CNIH3: variants seen among roughly 807,000 people sequenced by gnomAD.
CNIH3 encodes cornichon family AMPA receptor auxiliary protein 3.
CNIH3 carries 14 observed loss-of-function variants against 24.1 expected under a neutral mutation model. The ratio of observed to expected loss-of-function variants is 0.58; its 90% confidence interval spans 0.38 to 0.91. CNIH3 has a LOEUF of 0.91. Among genes scored for constraint, CNIH3 ranks in the 40% least tolerant of loss-of-function variants. The pLI, the probability that CNIH3 is intolerant of heterozygous loss-of-function variation, is 0.00. For missense variants in CNIH3, 178 were observed against 196.8 expected, an observed-to-expected ratio of 0.90 and a Z score of 0.57; for synonymous variants, 68 against 73.8, an observed-to-expected ratio of 0.92 and a Z score of 0.40.
chr1:224,713,594 C>T (rs887321452), intron 3 of CNIH3, among the ~76,000 whole-genome samples: 2 of 152,146 alleles, frequency 1.3e-5, no homozygotes, highest in African/African-American at 4.8e-5. Context: ...GCAAGGAATA[C>T]ATATGATAAT....
At chr1:224,693,193 G>T (rs1188880728) in intron 3 of CNIH3, among the ~76,000 whole-genome samples, 1 of 152,152 alleles carries the variant, frequency 6.6e-6, no homozygotes, top group Admixed American at 6.5e-5. Context: ...GTAAACTGTG[G>T]TGCTGTCATG....
At chr1:224,728,413 A>G (rs1689150310) in intron 3 of CNIH3, among the ~76,000 whole-genome samples, 1 of 152,084 alleles carries the variant, frequency 6.6e-6, no homozygotes, top group African/African-American at 2.4e-5. Flanking sequence ...CAGGTGGTTG[A>G]GATTCACAGG....
intron 5 of CNIH3, among the ~76,000 whole-genome samples, chr1:224,736,757 G>C (rs79600134): frequency 6.6e-6 from 1 of 152,122 alleles, no homozygotes; most frequent in African/African-American, 2.4e-5. Context: ...AGATTTCTAC[G>C]GTGCCCAGTG....
chr1:224,500,918 C>G (rs148591777), intron 1 of CNIH3, among the ~76,000 whole-genome samples: 1 of 152,246 alleles, frequency 6.6e-6, no homozygotes, highest in East Asian at 1.9e-4. Flanking sequence ...CCCGAGGAAG[C>G]AGCCGGCATC....
chr1:224,547,867 G>C (rs138835263), intron 3 of CNIH3, among the ~76,000 whole-genome samples: 237 of 151,210 alleles, frequency 1.6e-3, no homozygotes, highest in African/African-American at 5.1e-3. Flanking sequence ...ATCAAAGTGG[G>C]AGTATACCCT....
intron 1 of CNIH3, among the ~76,000 whole-genome samples, chr1:224,509,465 C>T (rs2124889545): frequency 6.6e-6 from 1 of 152,322 alleles, no homozygotes; most frequent in Admixed American, 6.5e-5. Flanking sequence ...CCAGCTCACA[C>T]ATAATCTACC....
intron 4 of CNIH3, among the ~76,000 whole-genome samples, chr1:224,731,818 G>T (rs1310470654): frequency 6.6e-6 from 1 of 152,254 alleles, no homozygotes; most frequent in Non-Finnish European, 1.5e-5. Flanking sequence ...CCCAGCATGT[G>T]CAAAGGCCCA....
downstream of CNIH3, among the ~76,000 whole-genome samples, chr1:224,589,986 C>T (rs952129371): frequency 2.0e-5 from 3 of 152,210 alleles, no homozygotes; most frequent in South Asian, 6.2e-4. Flanking sequence ...AAGTAATTCT[C>T]CTGCCTCAGC....
rs186725518 is a variant in CNIH3 at position 224,509,215 on chromosome 1, C to T, written n.204-6526C>T. ...GTACACATCTGTAATCCCAGCTACT[C>T]GGGAGGCTGAGACGCAAGAATTGCT... On this transcript the variant is annotated intron_variant and non_coding_transcript_variant, in intron 1 of 5. Transcript: ENST00000471578. 2.6e-3 allele frequency among the ~76,000 whole-genome samples: 390 copies of T among 152,168 alleles called. 1 individual carries two copies. Among genetic ancestry groups the T allele is most frequent in the Non-Finnish European group, 4.2e-3 (285 of 67,996 alleles).
At chr1:224,724,982 A>G (rs1688939669) in intron 3 of CNIH3, among the ~76,000 whole-genome samples, 1 of 152,172 alleles carries the variant, frequency 6.6e-6, no homozygotes, top group African/African-American at 2.4e-5. Context: ...AGGCCAAAGC[A>G]GGTGGATCAC....
chr1:224,455,138 A>G (rs1250460584), intron 1 of CNIH3, among the ~76,000 whole-genome samples: 1 of 152,232 alleles, frequency 6.6e-6, no homozygotes. Context: ...CACAAAGCCT[A>G]TTATATAATA....
At chr1:224,563,471 G>A (rs1372063731) in intron 3 of CNIH3, among the ~76,000 whole-genome samples, 1 of 118,750 alleles carries the variant, frequency 8.4e-6, no homozygotes, top group Non-Finnish European at 1.9e-5. Flanking sequence ...GTGTGTGTGT[G>A]TGTGTGTGTG....
At chr1:224,546,789 TA>T in intron 2 of CNIH3, 1 of 550,746 alleles carries the variant, frequency 1.8e-6, no homozygotes, top group Non-Finnish European at 2.3e-6. Flanking sequence ...CTTTGACAAA[TA>T]AAACCATTCA....
chr1:224,700,916 G>A (rs938394135), intron 3 of CNIH3, among the ~76,000 whole-genome samples: 1 of 152,196 alleles, frequency 6.6e-6, no homozygotes, highest in South Asian at 2.1e-4. Context: ...TTCTGCAGAG[G>A]TGCCACTTGC....
At chr1:224,468,641 TTTTC>T (rs1676242156) in intron 1 of CNIH3, among the ~76,000 whole-genome samples, 2 of 152,182 alleles carry the variant, frequency 1.3e-5, no homozygotes, top group East Asian at 3.8e-4. Context: ...CATTTATTGT[TTTTC>T]TTTCTTTATT....
At chr1:224,624,624 G>A (rs1683430955) in intron 1 of CNIH3, among the ~76,000 whole-genome samples, 1 of 152,086 alleles carries the variant, frequency 6.6e-6, no homozygotes, top group Admixed American at 6.5e-5. Context: ...GTTTCTCAGA[G>A]CATCGTGGTC....
chr1:224,459,323 T>A lies in CNIH3; in HGVS notation n.203+24461T>A, dbSNP rs972578135. The A allele has an allele frequency of 4.9e-6, 3 of 607,592 alleles. No individual in the cohort carries two copies. The African/African-American group carries it at 5.9e-5, about 12-fold the overall frequency. 37.6% of individuals were successfully genotyped at this position (607,592 alleles called of 1,614,324 possible). ...AGTTCCTGACTGTTTATTCCGGGTC[T>A]TTAACAAAGTGATGAAAAGAAATCC... On this transcript the variant is annotated intron_variant and non_coding_transcript_variant, in intron 1 of 5. Coordinates refer to the CNIH3 transcript ENST00000471578.
chr1:224,471,177 T>G (rs1676353554), intron 1 of CNIH3, among the ~76,000 whole-genome samples: 2 of 151,998 alleles, frequency 1.3e-5, no homozygotes. Context: ...TAGCTGGGAC[T>G]ATAGGCATAC....
intron 3 of CNIH3, among the ~76,000 whole-genome samples, chr1:224,560,089 T>C (rs1680302396): frequency 6.6e-6 from 1 of 152,212 alleles, no homozygotes; most frequent in Non-Finnish European, 1.5e-5. Flanking sequence ...CTTTTCACTA[T>C]GGTATGCCAT....
Sources: allele counts gnomAD v4.1 joint callset (sites outside exome capture counted in the v4.1 genomes callset), GRCh38; gene constraint gnomAD v4.1.1; transcripts MANE v1.5; gene names NCBI Gene and HGNC (gene_info 2026-07-23, HGNC 2026-07-21).